The following CHRDL1 variants were observed in gnomAD, a reference collection of about 807,000 sequenced individuals.
The protein encoded by CHRDL1 is chordin-like protein 1.
Under a neutral mutation model 40.9 loss-of-function variants are expected in CHRDL1, and 19 were observed. The observed-to-expected ratio is 0.46, with a 90% confidence interval of 0.32 to 0.68. The LOEUF (loss-of-function observed/expected upper bound fraction) is 0.68, where lower values mean the gene tolerates loss of function less well. Ranked by LOEUF, CHRDL1 falls within the 30% of genes least tolerant of loss-of-function variation. CHRDL1 has a pLI of 0.03. For missense variants in CHRDL1, 329 were observed against 352.1 expected (o/e 0.93, Z 0.53); for synonymous variants, 136 against 123.4 (o/e 1.10, Z -0.68).
At chrX:110,705,678 C>A (rs1470910516) in intron 6 of CHRDL1, among the ~76,000 whole-genome samples, 1 of 106,471 alleles carries the variant, frequency 9.4e-6, no homozygotes, top group Non-Finnish European at 1.9e-5. Context: ...CTGGTAAGTA[C>A]AATGCAAATA....
chrX:110,720,834 G>A (rs992377533), intron 5 of CHRDL1, among the ~76,000 whole-genome samples: 3 of 111,514 alleles, frequency 2.7e-5, no homozygotes, highest in Non-Finnish European at 5.6e-5. Context: ...ATTAGTATAC[G>A]TTGTTTGTAA....
At chrX:110,691,881 C>T (rs2070285787) in intron 8 of CHRDL1, among the ~76,000 whole-genome samples, 1 of 109,793 alleles carries the variant, frequency 9.1e-6, no homozygotes, top group Admixed American at 9.7e-5. Context: ...GACAGGATCA[C>T]ACAAGACAGG....
At chrX:110,743,322 T>C (rs1490260181) in intron 4 of CHRDL1, among the ~76,000 whole-genome samples, 1 of 112,346 alleles carries the variant, frequency 8.9e-6, no homozygotes, top group African/African-American at 3.2e-5. Context: ...GGCTTAGTGT[T>C]TGGTCAGATT....
intron 9 of CHRDL1, among the ~76,000 whole-genome samples, chrX:110,685,917 G>T (rs2070004598): frequency 1.0e-5 from 1 of 98,321 alleles, no homozygotes; most frequent in African/African-American, 4.0e-5. Context: ...TTGAGATAGG[G>T]TCTCGCTCTG....
chrX:110,706,101 G>C (rs1168667005), intron 6 of CHRDL1, among the ~76,000 whole-genome samples: 1 of 110,818 alleles, frequency 9.0e-6, no homozygotes, highest in African/African-American at 3.3e-5. Context: ...AAATAGGTAT[G>C]TCCATTTGCA....
intron 4 of CHRDL1, among the ~76,000 whole-genome samples, chrX:110,737,708 G>A (rs962741941): frequency 9.8e-5 from 11 of 111,885 alleles, no homozygotes; most frequent in Non-Finnish European, 1.9e-4. Context: ...CCACACCCCA[G>A]GGAGGTATAA....
rs779016259 is a variant in CHRDL1, at chrX:110,725,249, G to A, written c.302-3719C>T. ...ATGTAAGCAGAACTATGATTTCCGG[G>A]ATGCTCAGAAAATACCCCCTTATCC... On this transcript the variant is annotated intron_variant, in intron 4 of 11. Transcript: ENST00000372042. 7.1e-5 allele frequency among the ~76,000 whole-genome samples: 8 copies of A among 111,894 alleles called. No homozygotes were observed. In the South Asian group the frequency reaches 3.0e-3, roughly 42 times the overall value.
rs1363976428 is a variant in CHRDL1 at position 110,678,753 on chromosome X, A to T, written c.1246+583T>A. On this transcript the variant is annotated intron_variant, in intron 11 of 11. Transcript: ENST00000372042. ...AACTGTGTGCCTTTTATCCCATTAG[A>T]AGTGCTCAACACCCGCCCCAATGCC... Among the ~76,000 whole-genome samples the T allele has an allele frequency of 2.7e-5, 3 of 110,535 alleles. No homozygotes were observed. In the South Asian group the frequency reaches 1.2e-3, roughly 43 times the overall value.
chrX:110,782,377 T>A (rs1172592314), intron 2 of CHRDL1, among the ~76,000 whole-genome samples: 1 of 112,237 alleles, frequency 8.9e-6, no homozygotes, highest in Non-Finnish European at 1.9e-5. Flanking sequence ...TTCAAACCTA[T>A]ATCTTGTAGC....
At chrX:110,687,683 C>T (rs2070053706) in intron 9 of CHRDL1, among the ~76,000 whole-genome samples, 1 of 111,578 alleles carries the variant, frequency 9.0e-6, no homozygotes, top group Non-Finnish European at 1.9e-5. Context: ...AAAAAATCTA[C>T]TCTAACCCTC....
At chrX:110,754,629 T>C (rs2089420297) in intron 4 of CHRDL1, among the ~76,000 whole-genome samples, 1 of 111,654 alleles carries the variant, frequency 9.0e-6, no homozygotes, top group Admixed American at 9.5e-5. Context: ...GACTGGGGTG[T>C]CTCTCTTGGC....
At chrX:110,755,825 A>C (rs73260111) in intron 4 of CHRDL1, among the ~76,000 whole-genome samples, 16 of 111,936 alleles carry the variant, frequency 1.4e-4, no homozygotes, top group Non-Finnish European at 2.8e-4. Context: ...CCTCATGCCT[A>C]ATAATCACTG....
rs1310382385 is a variant in CHRDL1, at chrX:110,792,102, G to A, written c.80C>T (p.Thr27Ile). Residue 27 changes from threonine to isoleucine, a missense_variant, in exon 2 of 12, where the codon ACA becomes ATA. By Grantham distance (89) the Thr-to-Ile change is moderately conservative. Coordinates refer to ENST00000372042, the MANE Select transcript of CHRDL1 (RefSeq NM_001143981.2). ...AAGACACTTACGTTTTACTTGCTCT[G>A]TTTTGCCTCCTTCTAGCAAAAGAAA... ...LFFLLLEGGK[T>I]EQVKHSETYC... The A allele has an allele frequency of 2.6e-5, 30 of 1,172,679 alleles. No individual in the cohort carries two copies. Among genetic ancestry groups the A allele is most frequent in the Non-Finnish European group, 3.5e-5 (30 of 864,185 alleles).
intron 7 of CHRDL1, among the ~76,000 whole-genome samples, chrX:110,695,730 A>G (rs1028929480): frequency 1.8e-5 from 2 of 111,952 alleles, no homozygotes; most frequent in Non-Finnish European, 3.8e-5. Flanking sequence ...GTTTAAAGTT[A>G]TGGGCCACAG....
chrX:110,714,286 T>C (rs1478169130), intron 6 of CHRDL1, among the ~76,000 whole-genome samples: 1 of 111,076 alleles, frequency 9.0e-6, no homozygotes, highest in Non-Finnish European at 1.9e-5. Flanking sequence ...AAAAGACACA[T>C]GCACGCAAAT....
intron 4 of CHRDL1, among the ~76,000 whole-genome samples, chrX:110,725,617 C>A (rs2071041953): frequency 9.0e-6 from 1 of 111,483 alleles, no homozygotes; most frequent in South Asian, 3.9e-4. Flanking sequence ...CCACTCTCCC[C>A]ACCCTATAAA....
chrX:110,753,762 G>C (rs191821749), intron 4 of CHRDL1, among the ~76,000 whole-genome samples: 2 of 111,042 alleles, frequency 1.8e-5, no homozygotes, highest in East Asian at 5.7e-4. Context: ...CACAAGGGCA[G>C]ATAGGTCAGT....
intron 9 of CHRDL1, among the ~76,000 whole-genome samples, chrX:110,682,032 C>T (rs2069910061): frequency 8.9e-6 from 1 of 112,150 alleles, no homozygotes; most frequent in African/African-American, 3.2e-5. Flanking sequence ...CATACAGGGT[C>T]AGGATCATGC....
chrX:110,762,816 A>T lies in CHRDL1; in HGVS notation c.95-9T>A. On this transcript the variant is annotated splice_polypyrimidine_tract_variant and intron_variant, in intron 2 of 11. Transcript: ENST00000372042. The stretch of plus-strand genomic sequence containing the variant: ...GCAATATGTCTCTGAATCTGTGAAG[A>T]AGGAGATGGAGAATATGCCTGTTAG... 1 of 970,651 alleles carries T rather than the reference A, an allele frequency of 1.0e-6. No homozygotes were observed. Among genetic ancestry groups the T allele is most frequent in the Non-Finnish European group, 1.5e-6 (1 of 677,569 alleles). 80.0% of individuals were successfully genotyped at this position (970,651 alleles called of 1,213,427 possible). A position where few individuals can be genotyped will look rare whatever the true frequency, so the allele number is the denominator to read the frequency against.
Sources: allele counts gnomAD v4.1 joint callset (sites outside exome capture counted in the v4.1 genomes callset), GRCh38; gene constraint gnomAD v4.1.1; transcripts MANE v1.5; gene names NCBI Gene and HGNC (gene_info 2026-07-23, HGNC 2026-07-21).